GRID2: variants seen among roughly 807,000 people sequenced by gnomAD.
GRID2 encodes glutamate ionotropic receptor delta type subunit 2, also known as glutamate receptor ionotropic, delta-2.
GRID2 carries 33 observed loss-of-function variants against 114.8 expected under a neutral mutation model. The ratio of observed to expected loss-of-function variants is 0.29; its 90% CI spans 0.22 to 0.38. The LOEUF (loss-of-function observed/expected upper bound fraction) is 0.38. Ranked by LOEUF, GRID2 falls within the 10% of genes least tolerant of loss-of-function variation. GRID2 has a pLI of 1.00. For synonymous variants in GRID2, 505 were observed against 449.9 expected, an observed-to-expected ratio of 1.12 and a Z score of -1.55; for missense variants, 1,184 against 1,257.7, an observed-to-expected ratio of 0.94 and a Z score of 0.89.
chr4:93,004,033 G>A (rs1721264229), intron 2 of GRID2, among the ~76,000 whole-genome samples: 1 of 151,846 alleles, frequency 6.6e-6, no homozygotes. Flanking sequence ...GGAAACATAA[G>A]AAAATATGCT....
chr4:93,506,758 A>G (rs1728671325), intron 12 of GRID2, among the ~76,000 whole-genome samples: 1 of 151,996 alleles, frequency 6.6e-6, no homozygotes, highest in Admixed American at 6.6e-5. Context: ...AGTTCTCTCC[A>G]TTTCCCAAAA....
intron 3 of GRID2, among the ~76,000 whole-genome samples, chr4:93,087,448 C>A (rs189687513): frequency 6.6e-6 from 1 of 152,004 alleles, no homozygotes; most frequent in South Asian, 2.1e-4. Flanking sequence ...ATATTATAGT[C>A]AGGTAATTTG....
intron 2 of GRID2, among the ~76,000 whole-genome samples, chr4:92,755,217 T>C (rs1737652893): frequency 6.6e-6 from 1 of 152,182 alleles, no homozygotes; most frequent in Non-Finnish European, 1.5e-5. Context: ...AATGTTAAAC[T>C]TTGTTTCTGC....
chr4:93,694,268 C>A (rs1578588717), intron 14 of GRID2, among the ~76,000 whole-genome samples: 1 of 152,148 alleles, frequency 6.6e-6, no homozygotes, highest in African/African-American at 2.4e-5. Flanking sequence ...TGCCCTATTG[C>A]CTGGCCATGT....
intron 1 of GRID2, among the ~76,000 whole-genome samples, chr4:93,806,236 G>A (rs1481936959): frequency 2.6e-5 from 4 of 152,202 alleles, no homozygotes; most frequent in African/African-American, 9.7e-5. Flanking sequence ...TTAAGTTTAT[G>A]CATGGTCTGG....
chr4:93,587,310 T>A (rs762947672), intron 13 of GRID2, among the ~76,000 whole-genome samples: 6 of 152,152 alleles, frequency 3.9e-5, no homozygotes, highest in Non-Finnish European at 8.8e-5. Context: ...AATACAATTA[T>A]GAATGCATCA....
At chr4:93,291,225 G>A (rs887388286) in intron 8 of GRID2, among the ~76,000 whole-genome samples, 4 of 151,898 alleles carry the variant, frequency 2.6e-5, no homozygotes, top group African/African-American at 9.7e-5. Flanking sequence ...ACAACCTCTA[G>A]AGCATTACAT....
At chr4:93,180,906 T>C (rs1739829599) in intron 4 of GRID2, among the ~76,000 whole-genome samples, 1 of 152,180 alleles carries the variant, frequency 6.6e-6, no homozygotes. Flanking sequence ...TCAAAGTCAT[T>C]CATGAGTGCT....
At chr4:93,391,100 G>A (rs1415953217) in intron 8 of GRID2, among the ~76,000 whole-genome samples, 2 of 152,066 alleles carry the variant, frequency 1.3e-5, no homozygotes, top group African/African-American at 2.4e-5. Context: ...CCAAACTGTA[G>A]TAATAGAATC....
At chr4:92,770,202 CTT>C (rs1738472661) in intron 2 of GRID2, among the ~76,000 whole-genome samples, 3 of 152,214 alleles carry the variant, frequency 2.0e-5, no homozygotes, top group Admixed American at 2.0e-4. Context: ...CCACCAGTCT[CTT>C]TGCTAAAACA....
At chr4:93,484,682 A>G (rs540882711) in intron 11 of GRID2, among the ~76,000 whole-genome samples, 1 of 152,034 alleles carries the variant, frequency 6.6e-6, no homozygotes, top group East Asian at 2.0e-4. Context: ...TTATTTGAAC[A>G]CAGTTTGAAC....
intron 2 of GRID2, among the ~76,000 whole-genome samples, chr4:92,704,775 C>G (rs1734878497): frequency 6.9e-6 from 1 of 144,008 alleles, no homozygotes; most frequent in Admixed American, 6.9e-5. Flanking sequence ...GCCCCTCCCT[C>G]CCTCCCTCCC....
intron 13 of GRID2, among the ~76,000 whole-genome samples, chr4:93,531,874 TATTAGA>T (rs1485941270): frequency 2.6e-4 from 40 of 152,128 alleles, no homozygotes; most frequent in Admixed American, 2.6e-3. Flanking sequence ...TATTTTTCCC[TATTAGA>T]ATTAGTTACA....
At chr4:92,759,823 C>T (rs1364348460) in intron 2 of GRID2, among the ~76,000 whole-genome samples, 12 of 148,088 alleles carry the variant, frequency 8.1e-5, no homozygotes, top group Non-Finnish European at 1.2e-4. Context: ...GACGGGGTTT[C>T]ACCATGTTAG....
intron 4 of GRID2, 74 bp from the exon 5 acceptor site, chr4:93,207,330 A>G: frequency 1.0e-6 from 1 of 992,452 alleles, no homozygotes. Context: ...TGTCATTTGC[A>G]AAGTATATTC....
intron 4 of GRID2, among the ~76,000 whole-genome samples, chr4:93,181,046 A>G (rs1459794457): frequency 6.6e-6 from 1 of 152,176 alleles, no homozygotes; most frequent in African/African-American, 2.4e-5. Flanking sequence ...CTGCCCAAAT[A>G]TATCAGAAGA....
intron 1 of GRID2, among the ~76,000 whole-genome samples, chr4:92,572,016 C>A (rs1727648144): frequency 6.6e-6 from 1 of 151,864 alleles, no homozygotes; most frequent in South Asian, 2.1e-4. Context: ...TAGCAGAAAG[C>A]AAGAAATAAC....
intron 8 of GRID2, among the ~76,000 whole-genome samples, chr4:93,351,509 T>C (rs1026609546): frequency 6.6e-6 from 1 of 152,046 alleles, no homozygotes; most frequent in Non-Finnish European, 1.5e-5. Flanking sequence ...GAAATACAAC[T>C]ATCAAGCAGA....
intron 13 of GRID2, among the ~76,000 whole-genome samples, chr4:93,616,068 A>G (rs1334062967): frequency 6.6e-6 from 1 of 152,196 alleles, no homozygotes; most frequent in Non-Finnish European, 1.5e-5. Flanking sequence ...TAAAGGAGCT[A>G]GTTATCTCCT....
Sources: allele counts gnomAD v4.1 joint callset (sites outside exome capture counted in the v4.1 genomes callset), GRCh38; gene constraint gnomAD v4.1.1; transcripts MANE v1.5; gene names NCBI Gene and HGNC (gene_info 2026-07-23, HGNC 2026-07-21).